The following RELN variants were observed in gnomAD, a reference collection of about 807,000 sequenced individuals.
RELN encodes reelin.
Under a neutral mutation model 427.6 loss-of-function variants are expected in RELN, and 108 were observed. That is an observed-to-expected ratio of 0.25 (90% CI 0.22 to 0.30). The LOEUF (loss-of-function observed/expected upper bound fraction) is 0.30, where lower values mean the gene tolerates loss of function less well. RELN is among the 10% of genes least tolerant of loss of function. The probability of loss-of-function intolerance (pLI) is 1.00; values close to 1 mark genes in which losing one functional copy is unlikely to be tolerated. For synonymous variants in RELN, 1,524 were observed against 1,513.4 expected, an observed-to-expected ratio of 1.01 and a Z score of -0.16; for missense variants, 3,715 against 4,302.8, an observed-to-expected ratio of 0.86 and a Z score of 3.82.
At chr7:103,871,352 G>A (rs531810944) in intron 2 of RELN, among the ~76,000 whole-genome samples, 44 of 152,180 alleles carry the variant, frequency 2.9e-4, no homozygotes, top group African/African-American at 1.1e-3. Flanking sequence ...GGGAGCCACA[G>A]ATCACAAATA....
rs765958508 is a variant in RELN, at chr7:103,589,605, A to G, written c.4136T>C (p.Leu1379Pro). ...TRITIVIPRS[L>P]ASSKTRFRWI... Reference sequence around the variant, plus strand: ...AGAATGATTACTTTACCTGGATGCAAGAGACCTTGGAATAACAATGGTGAT... The same window carrying G: ...AGAATGATTACTTTACCTGGATGCAGGAGACCTTGGAATAACAATGGTGAT... Residue 1379 changes from leucine to proline, a missense_variant, in exon 28 of 65, where the codon CTT becomes CCT. Transcript: ENST00000428762. 5.6e-6 allele frequency: 9 copies of G among 1,610,608 alleles called. No individual in the cohort carries two copies. The highest frequency in any genetic ancestry group is 7.6e-6 in the Non-Finnish European group (9 of 1,176,808).
intron 46 of RELN, 41 bp downstream of exon 46, chr7:103,535,275 A>G (rs779522050): frequency 1.9e-6 from 3 of 1,597,566 alleles, no homozygotes; most frequent in Non-Finnish European, 2.6e-6. Flanking sequence ...TGGGCTCACT[A>G]TACGTAGAAG....
intron 1 of RELN, among the ~76,000 whole-genome samples, chr7:103,921,867 G>T (rs980706849): frequency 1.8e-4 from 28 of 152,140 alleles, no homozygotes; most frequent in African/African-American, 6.5e-4. Context: ...CCCCTTGCCA[G>T]GTTACCTTTT....
At chr7:103,912,201 C>G (rs1434155086) in intron 2 of RELN, among the ~76,000 whole-genome samples, 1 of 144,454 alleles carries the variant, frequency 6.9e-6, no homozygotes. Context: ...TCACTTTAAG[C>G]TTTTTTTTTT....
At chr7:103,777,004 C>G (rs1414019640) in intron 3 of RELN, among the ~76,000 whole-genome samples, 1 of 152,134 alleles carries the variant, frequency 6.6e-6, no homozygotes, top group African/African-American at 2.4e-5. Context: ...GAAAGAGGCT[C>G]TTAAGTTACT....
intron 20 of RELN, among the ~76,000 whole-genome samples, chr7:103,627,735 G>A (rs1832358677): frequency 6.6e-6 from 1 of 152,124 alleles, no homozygotes; most frequent in Non-Finnish European, 1.5e-5. Flanking sequence ...GGTGCCCATG[G>A]GGATTGTACA....
intron 6 of RELN, among the ~76,000 whole-genome samples, chr7:103,742,325 G>A (rs1274825936): frequency 6.6e-6 from 1 of 152,132 alleles, no homozygotes; most frequent in African/African-American, 2.4e-5. Flanking sequence ...AAAAAACAGA[G>A]CAGAAAAACC....
intron 8 of RELN, among the ~76,000 whole-genome samples, chr7:103,714,271 C>T (rs1789881028): frequency 1.3e-5 from 2 of 152,072 alleles, no homozygotes; most frequent in Non-Finnish European, 1.5e-5. Context: ...TTTCTAGTAG[C>T]TAGCTTCTTG....
Position 103,873,054 on chromosome 7 carries a change from C to T in RELN, c.338-39382G>A, listed in dbSNP as rs190089193. ...CTAGAACTCAGGATTAAGAATCCCA[C>T]TCAAAGCCGCCCAACTACATGGAAA... On this transcript the variant is annotated intron_variant, in intron 2 of 64. Transcript: ENST00000428762. Among the ~76,000 whole-genome samples the T allele has an allele frequency of 6.2e-4, 95 of 152,084 alleles. 2 individuals are homozygous for T. The highest frequency in any genetic ancestry group is 5.2e-3 in the Admixed American group (79 of 15,248).
chr7:103,557,967 T>C lies in RELN; in HGVS notation c.5612A>G (p.Lys1871Arg), dbSNP rs769949666. 2 of 1,276,604 alleles carry C rather than the reference T, an allele frequency of 1.6e-6. No homozygotes were observed. Among genetic ancestry groups the C allele is most frequent in the Non-Finnish European group, 1.1e-6 (1 of 872,428 alleles). 79.1% of individuals were successfully genotyped at this position (1,276,604 alleles called of 1,614,324 possible). ...YVQFSLRFIA[K>R]STPERSHSIL... is the part of the protein sequence containing the mutation. ...GAAAATAATAAATTCATACTTACTTTTTGCTATAAATCTAAGTGAAAACTG... is the reference window on the plus strand; with the variant it reads ...GAAAATAATAAATTCATACTTACTTCTTGCTATAAATCTAAGTGAAAACTG... Residue 1871 changes from lysine to arginine, a missense_variant and splice_region_variant, in exon 37 of 65, where the codon AAA becomes AGA. Lys to Arg is a conservative substitution (Grantham distance 26). Coordinates refer to ENST00000428762, the MANE Select transcript of RELN (RefSeq NM_005045.4).
At chr7:103,719,251 A>ATGTT (rs1170304455) in intron 8 of RELN, among the ~76,000 whole-genome samples, 2 of 152,094 alleles carry the variant, frequency 1.3e-5, no homozygotes, top group African/African-American at 4.8e-5. Flanking sequence ...CTAGGAGGGC[A>ATGTT]CGCATGTTCC....
chr7:103,837,050 T>C (rs113471521), intron 2 of RELN, among the ~76,000 whole-genome samples: 3 of 152,226 alleles, frequency 2.0e-5, no homozygotes, highest in African/African-American at 7.2e-5. Context: ...CTTTCTACTA[T>C]TTTATTTTCA....
chr7:103,776,211 A>G (rs944500651), intron 4 of RELN, among the ~76,000 whole-genome samples: 1 of 152,230 alleles, frequency 6.6e-6, no homozygotes, highest in East Asian at 1.9e-4. Context: ...AATCAGAAAC[A>G]TTTTCAACAA....
At chr7:103,909,840 A>ATG (rs1189293964) in intron 2 of RELN, among the ~76,000 whole-genome samples, 1 of 128,228 alleles carries the variant, frequency 7.8e-6, no homozygotes, top group Admixed American at 9.3e-5. Context: ...TATATTTAAT[A>ATG]TATATATTTA....
intron 3 of RELN, among the ~76,000 whole-genome samples, chr7:103,826,997 C>CTTT (rs201344580): frequency 2.3e-5 from 3 of 130,802 alleles, no homozygotes; most frequent in African/African-American, 8.3e-5. Context: ...TTTGCTATAG[C>CTTT]TTTTTTTTTT....
At position 103,542,878 on chromosome 7, in the gene RELN, C is replaced by A; in HGVS notation, c.6524G>T (p.Gly2175Val). 1 of 1,613,920 alleles carries A rather than the reference C, an allele frequency of 6.2e-7. No homozygotes were observed. Among genetic ancestry groups the A allele is most frequent in the African/African-American group, 1.3e-5 (1 of 75,018 alleles). ...NPDFLKDDFE[G>V]QLESDRFLLM... ...TAAGAATCTATCAGATTCTAGCTGA[C>A]CTGAAAAAATTGGAAAATATGGTTT... Residue 2175 changes from glycine (G) to valine (V), a missense_variant and splice_region_variant, in exon 43 of 65, where the codon GGT (glycine) becomes GTT (valine). Transcript: ENST00000428762.
At chr7:103,924,750 C>T (rs1392027733) in intron 1 of RELN, among the ~76,000 whole-genome samples, 3 of 152,066 alleles carry the variant, frequency 2.0e-5, no homozygotes, top group Non-Finnish European at 2.9e-5. Context: ...AGGAAATCCA[C>T]TGAAATTTTT....
intron 38 of RELN, among the ~76,000 whole-genome samples, chr7:103,554,388 T>C (rs1830480408): frequency 6.6e-6 from 1 of 150,550 alleles, no homozygotes; most frequent in African/African-American, 2.4e-5. Context: ...CAAAACCTCG[T>C]CTCTATAAAA....
intron 20 of RELN, among the ~76,000 whole-genome samples, chr7:103,615,913 T>A (rs1057322887): frequency 6.6e-6 from 1 of 152,020 alleles, no homozygotes; most frequent in Non-Finnish European, 1.5e-5. Flanking sequence ...AGAGCCTCTT[T>A]CCCATCTCCA....
Sources: allele counts gnomAD v4.1 joint callset (sites outside exome capture counted in the v4.1 genomes callset), GRCh38; gene constraint gnomAD v4.1.1; transcripts MANE v1.5; gene names NCBI Gene and HGNC (gene_info 2026-07-23, HGNC 2026-07-21).